SYTL3: variants seen among roughly 807,000 people sequenced by gnomAD.
SYTL3 encodes synaptotagmin-like protein 3.
In SYTL3, 88 loss-of-function variants were observed where a neutral mutation model predicts 82.1. The ratio of observed to expected loss-of-function variants is 1.07; its 90% CI spans 0.90 to 1.28. SYTL3 has a LOEUF of 1.28. Among genes scored for constraint, SYTL3 ranks in the 50% most tolerant of loss-of-function variants. SYTL3 has a pLI of 0.00. For missense variants in SYTL3, 831 were observed against 757.6 expected (o/e 1.10, Z -1.14); for synonymous variants, 311 against 289.4 (o/e 1.07, Z -0.76).
At position 158,764,778 on chromosome 6, in the gene SYTL3, T is replaced by TAAAC. The variant is rs1268672694; in HGVS notation, c.*176_*179dup. The TAAAC allele has an allele frequency of 1.9e-6, 1 of 535,430 alleles. No homozygotes were observed. Among genetic ancestry groups the TAAAC allele is most frequent in the African/African-American group, 1.9e-5 (1 of 52,558 alleles). The allele number at this position is 535,430 out of a possible 1,614,324, so 33.2% of individuals were successfully genotyped here. A position where few individuals can be genotyped will look rare whatever the true frequency, so the allele number is the denominator to read the frequency against. ...TATTGGTATCTGTGTATATTTACGTTAAACACAATTATGTTACCTAAGCCT... is the reference window on the plus strand; with the variant it reads ...TATTGGTATCTGTGTATATTTACGTTAAACAAACACAATTATGTTACCTAAGCCT... On this transcript the variant is annotated 3_prime_UTR_variant, in exon 18 of 18. Coordinates refer to ENST00000611299, the MANE Select transcript of SYTL3 (RefSeq NM_001242394.2).
rs1327600923 is a variant in SYTL3 at position 158,763,629 on chromosome 6, C to T, written c.1723+120C>T. The stretch of plus-strand genomic sequence containing the variant: ...ACTGGTTTTGAAATTGCCTAGCCTG[C>T]CTTAATTGGAAATGCCTAAGTCTAG... On this transcript the variant is annotated intron_variant, in intron 17 of 17. Transcript: ENST00000611299. 6 of 814,616 alleles carry T rather than the reference C, an allele frequency of 7.4e-6. No homozygotes were observed. The East Asian group carries it at 1.5e-4, about 21-fold the overall frequency. 50.5% of individuals were successfully genotyped at this position (814,616 alleles called of 1,614,324 possible). A position where few individuals can be genotyped will look rare whatever the true frequency, so the allele number is the denominator to read the frequency against.
intron 1 of SYTL3, 96 bp from the exon 2 acceptor site, chr6:158,651,657 A>G (rs1317093284): frequency 6.6e-6 from 1 of 151,940 alleles, no homozygotes. Context: ...AAAGAGGTCA[A>G]GTTTAAAGTA....
chr6:158,653,790 C>T (rs1012846553), intron 2 of SYTL3, among the ~76,000 whole-genome samples: 6 of 152,330 alleles, frequency 3.9e-5, no homozygotes, highest in South Asian at 4.1e-4. Flanking sequence ...CACATTCACA[C>T]GCACTCATGC....
rs1371969259 is a variant in SYTL3 at position 158,656,641 on chromosome 6, C to T, written c.-636-4628C>T. 3.3e-5 allele frequency among the ~76,000 whole-genome samples: 5 copies of T among 151,936 alleles called. No homozygotes were observed. The East Asian group carries it at 5.8e-4, about 18-fold the overall frequency. On this transcript the variant is annotated intron_variant, in intron 2 of 17. Coordinates refer to ENST00000611299, the MANE Select transcript of SYTL3 (RefSeq NM_001242394.2). ...TCAGGAGGCTGAGGCAGGAGAATGGCGTAAACCCGGGAGGTGGAGCTTGCA... is the reference window on the plus strand; with the variant it reads ...TCAGGAGGCTGAGGCAGGAGAATGGTGTAAACCCGGGAGGTGGAGCTTGCA...
Position 158,663,347 on chromosome 6 carries a change from G to A in SYTL3, c.79G>A (p.Ala27Thr). The A allele has an allele frequency of 1.2e-6, 2 of 1,614,036 alleles. No individual in the cohort carries two copies. The highest frequency in any genetic ancestry group is 1.7e-6 in the Non-Finnish European group (2 of 1,180,022). The change falls in exon 4 of 18, where the codon GCG (alanine) becomes ACG (threonine). Residue 27 changes from alanine (A) to threonine (T), a missense_variant. Physicochemically the swap from Ala to Thr is moderately conservative, Grantham distance 58. Coordinates refer to ENST00000611299, the MANE Select transcript of SYTL3 (RefSeq NM_001242394.2). ...TCTCCAGGTCCTGTACCGAGACCAG[G>A]CGGTTCAAAACACAGAGGAGGAGAG... The part of the protein sequence containing the change: ...AILQVLYRDQ[A>T]VQNTEEERTR...
intron 6 of SYTL3, among the ~76,000 whole-genome samples, chr6:158,703,233 G>GCCGT (rs1212928244): frequency 6.7e-6 from 1 of 149,418 alleles, no homozygotes; most frequent in Admixed American, 6.7e-5. Flanking sequence ...AATGCTCCGC[G>GCCGT]CCGTGCCTGG....
rs1343193707 is a variant in SYTL3 at position 158,751,464 on chromosome 6, G to A, written c.1035-464G>A. ...CTCAGCAGAATCCCACTTCTCAGCGGTTGGGAGGAGCAGAGTCTTTGAGGC... is the reference window on the plus strand; with the variant it reads ...CTCAGCAGAATCCCACTTCTCAGCGATTGGGAGGAGCAGAGTCTTTGAGGC... On this transcript the variant is annotated intron_variant, in intron 12 of 17. Coordinates refer to ENST00000611299, the MANE Select transcript of SYTL3 (RefSeq NM_001242394.2). 5.3e-5 allele frequency among the ~76,000 whole-genome samples: 8 copies of A among 152,216 alleles called. No individual in the cohort carries two copies. In the East Asian group the frequency reaches 1.2e-3, roughly 22 times the overall value.
chr6:158,679,554 A>G (rs1326045920), intron 5 of SYTL3, among the ~76,000 whole-genome samples: 1 of 149,168 alleles, frequency 6.7e-6, no homozygotes, highest in Non-Finnish European at 1.5e-5. Flanking sequence ...GTTTAGGGAT[A>G]AAAATACTGT....
intron 6 of SYTL3, among the ~76,000 whole-genome samples, chr6:158,686,843 C>A (rs796507599): frequency 6.6e-6 from 1 of 152,172 alleles, no homozygotes; most frequent in Non-Finnish European, 1.5e-5. Context: ...AGACACAGGT[C>A]GGAAGGAAGG....
In SYTL3 at chr6:158,726,444, G is replaced by A. The variant is rs776324928; in HGVS notation, c.855+807G>A. 48 of 193,574 alleles carry A rather than the reference G, an allele frequency of 2.5e-4. 1 individual carries two copies. The highest frequency in any genetic ancestry group is 4.6e-4 in the Non-Finnish European group (44 of 94,806). 12.0% of individuals were successfully genotyped at this position (193,574 alleles called of 1,614,324 possible). A position where few individuals can be genotyped will look rare whatever the true frequency, so the allele number is the denominator to read the frequency against. ...GTTCTAGGAGGTTTGCTCTCAAGCCGTAGAATTATGCCTCCCAATAGGCCT... is the reference window on the plus strand; with the variant it reads ...GTTCTAGGAGGTTTGCTCTCAAGCCATAGAATTATGCCTCCCAATAGGCCT... On this transcript the variant is annotated intron_variant, in intron 11 of 17. Transcript: ENST00000611299.
chr6:158,659,232 A>G (rs1386382466), intron 2 of SYTL3, among the ~76,000 whole-genome samples: 1 of 152,198 alleles, frequency 6.6e-6, no homozygotes, highest in Non-Finnish European at 1.5e-5. Context: ...AGTGAATTAC[A>G]ATGTAGTGTT....
intron 11 of SYTL3, among the ~76,000 whole-genome samples, chr6:158,745,005 G>C (rs1172344758): frequency 6.6e-6 from 1 of 152,148 alleles, no homozygotes; most frequent in Non-Finnish European, 1.5e-5. Flanking sequence ...TGTGAGATCA[G>C]TATGGTTTTT....
intron 6 of SYTL3, among the ~76,000 whole-genome samples, chr6:158,701,548 G>C (rs1033967283): frequency 3.4e-5 from 4 of 117,118 alleles, no homozygotes; most frequent in East Asian, 4.4e-4. Flanking sequence ...GAGCTGTTCT[G>C]GGGGGGAGGA....
intron 5 of SYTL3, among the ~76,000 whole-genome samples, chr6:158,682,460 C>T (rs186289047): frequency 1.6e-3 from 234 of 144,878 alleles, no homozygotes; most frequent in African/African-American, 2.4e-3. Context: ...CCCGGGTTCA[C>T]GCCATTCTCC....
At chr6:158,686,852 G>A (rs1779352836) in intron 6 of SYTL3, among the ~76,000 whole-genome samples, 1 of 152,220 alleles carries the variant, frequency 6.6e-6, no homozygotes, top group Non-Finnish European at 1.5e-5. Context: ...TCGGAAGGAA[G>A]GCATGAGCCC....
At chr6:158,744,407 C>T (rs534521549) in intron 11 of SYTL3, among the ~76,000 whole-genome samples, 30 of 148,610 alleles carry the variant, frequency 2.0e-4, no homozygotes, top group Non-Finnish European at 3.4e-4. Flanking sequence ...CCTGGGTTCA[C>T]GCCATTCTCC....
intron 4 of SYTL3, among the ~76,000 whole-genome samples, chr6:158,664,735 A>G (rs1180961386): frequency 6.6e-6 from 1 of 152,058 alleles, no homozygotes; most frequent in African/African-American, 2.4e-5. Context: ...GTTGAATTTT[A>G]AAGTGCATTT....
At chr6:158,664,774 C>T (rs1230839957) in intron 4 of SYTL3, among the ~76,000 whole-genome samples, 1 of 152,090 alleles carries the variant, frequency 6.6e-6, no homozygotes, top group Non-Finnish European at 1.5e-5. Flanking sequence ...TTGGGATTGG[C>T]TCATCTTTTC....
Position 158,764,736 on chromosome 6 carries a change from C to T in SYTL3, c.*132C>T, listed in dbSNP as rs1287936469. 3 of 630,308 alleles carry T rather than the reference C, an allele frequency of 4.8e-6. No individual in the cohort carries two copies. The African/African-American group carries it at 5.4e-5, about 11-fold the overall frequency. 39.0% of individuals were successfully genotyped at this position (630,308 alleles called of 1,614,324 possible). ...GAGCAGTCTCCATCTGCGGCCCTGTCCCATGGCTTAACCGCCTATTGGTAT... is the reference window on the plus strand; with the variant it reads ...GAGCAGTCTCCATCTGCGGCCCTGTTCCATGGCTTAACCGCCTATTGGTAT... On this transcript the variant is annotated 3_prime_UTR_variant, in exon 18 of 18. Transcript: ENST00000611299.
Sources: allele counts gnomAD v4.1 joint callset (sites outside exome capture counted in the v4.1 genomes callset), GRCh38; gene constraint gnomAD v4.1.1; transcripts MANE v1.5; gene names NCBI Gene and HGNC (gene_info 2026-07-23, HGNC 2026-07-21).